Variants in GSG1L2 observed in about 807,000 individuals in gnomAD.
GSG1L2 encodes the protein germ cell-specific gene 1-like protein 2.
A neutral mutation model predicts 9.0 loss-of-function variants in GSG1L2; 15 were observed. The observed-to-expected ratio is 1.67, with a 90% CI of 1.12 to 2.57. GSG1L2 has a LOEUF of 2.57. Ranked by LOEUF, GSG1L2 falls within the 30% of genes most tolerant of loss-of-function variation. The pLI is 0.00. For synonymous variants in GSG1L2, 127 were observed against 57.9 expected (o/e 2.19, Z -5.41); for missense variants, 286 against 150.3 (o/e 1.90, Z -4.72).
At chr17:9,809,194 A>T in intron 2 of GSG1L2, 1 of 548,150 alleles carries the variant, frequency 1.8e-6, no homozygotes, top group Non-Finnish European at 3.3e-6. Context: ...CCCGTAGCTG[A>T]ACGGGCGGTG....
At chr17:9,812,780 C>T (rs2066544256) in intron 1 of GSG1L2, among the ~76,000 whole-genome samples, 2 of 152,126 alleles carry the variant, frequency 1.3e-5, no homozygotes, top group Non-Finnish European at 2.9e-5. Flanking sequence ...GCCACCACAC[C>T]TGGCTAACTT....
chr17:9,803,395 G>A (rs1292373506), intron 4 of GSG1L2, among the ~76,000 whole-genome samples: 4 of 152,134 alleles, frequency 2.6e-5, no homozygotes, highest in Admixed American at 6.5e-5. Flanking sequence ...GAGCCACCGC[G>A]CCCGACCAGC....
chr17:9,807,276 C>G (rs900832640), intron 4 of GSG1L2, among the ~76,000 whole-genome samples: 7 of 152,224 alleles, frequency 4.6e-5, no homozygotes, highest in Non-Finnish European at 8.8e-5. Flanking sequence ...TAAACATAAT[C>G]TCTTTAAATC....
In GSG1L2 at chr17:9,801,865, A is replaced by G. The variant is rs2066498046; in HGVS notation, c.*521T>C. ...ATTTCCAAGAAAAAATATTTTAAAA[A>G]ATAACAGGAAACATATTTTGAAATT... On this transcript the variant is annotated 3_prime_UTR_variant, in exon 5 of 5. Coordinates refer to ENST00000399363, the MANE Select transcript of GSG1L2 (RefSeq NM_001310219.2). 6.6e-6 allele frequency among the ~76,000 whole-genome samples: 1 copy of G among 152,244 alleles called. No homozygotes were observed. Among genetic ancestry groups the G allele is most frequent in the Non-Finnish European group, 1.5e-5 (1 of 68,044 alleles).
In GSG1L2 at chr17:9,800,745, GAC is replaced by G. The variant is rs2066493560; in HGVS notation, c.*1639_*1640del. 6.6e-6 allele frequency among the ~76,000 whole-genome samples: 1 copy of G among 152,162 alleles called. No homozygotes were observed. ...AGATGAGACTTTGACCTGATATCGT[GAC>G]AGTCACACAGGACCTGCCTACATGA... On this transcript the variant is annotated 3_prime_UTR_variant, in exon 5 of 5. Transcript: ENST00000399363.
chr17:9,809,663 C>G, intron 2 of GSG1L2: 1 of 152,584 alleles, frequency 6.6e-6, no homozygotes, highest in Non-Finnish European at 1.5e-5. Context: ...CTGATTGGTG[C>G]GCTTTACAGA....
chr17:9,816,414 G>C (rs1450309991), intron 1 of GSG1L2, among the ~76,000 whole-genome samples: 4 of 139,536 alleles, frequency 2.9e-5, no homozygotes, highest in South Asian at 2.4e-4. Flanking sequence ...GTGTGTGTGT[G>C]TCTGTGTGTG....
chr17:9,806,184 T>C (rs1391973894), intron 4 of GSG1L2, among the ~76,000 whole-genome samples: 3 of 152,228 alleles, frequency 2.0e-5, no homozygotes, highest in Non-Finnish European at 4.4e-5. Context: ...GCCAATCACC[T>C]TTCCTCTTGC....
chr17:9,802,460 G>A lies in GSG1L2; in HGVS notation c.808C>T (p.Pro270Ser). 1 of 702,456 alleles carries A rather than the reference G, an allele frequency of 1.4e-6. No individual in the cohort carries two copies. Among genetic ancestry groups the A allele is most frequent in the Non-Finnish European group, 2.6e-6 (1 of 384,662 alleles). The allele number at this position is 702,456 out of a possible 1,614,324, so 43.5% of individuals were successfully genotyped here. A position where few individuals can be genotyped will look rare whatever the true frequency, so the allele number is the denominator to read the frequency against. The change falls in exon 5 of 5, where the codon CCT (proline) becomes TCT (serine). Residue 270 changes from proline to serine, a missense_variant. Pro to Ser is a moderately conservative substitution (Grantham distance 74). Transcript: ENST00000399363. Reference sequence around the variant, plus strand: ...ACATTCCTGAAGGCTTGTTCAGCAGGGCAAGGAGCAGCTCCTGTTTTCCAA... The same window carrying A: ...ACATTCCTGAAGGCTTGTTCAGCAGAGCAAGGAGCAGCTCCTGTTTTCCAA... ...SIWKTGAAPC[P>S]AEQAFRNVSG...
chr17:9,809,197 G>A (rs552647318), intron 2 of GSG1L2: 8 of 547,742 alleles, frequency 1.5e-5, no homozygotes, highest in East Asian at 1.3e-4. Flanking sequence ...GTAGCTGAAC[G>A]GGCGGTGGGG....
intron 3 of GSG1L2, 125 bp downstream of exon 3, chr17:9,808,705 C>T (rs2066525579): frequency 1.7e-6 from 1 of 605,240 alleles, no homozygotes; most frequent in Non-Finnish European, 3.0e-6. Context: ...CAGGGGACCA[C>T]CCGCCCTGCT....
At chr17:9,818,820 G>A (rs886602603) in intron 1 of GSG1L2, among the ~76,000 whole-genome samples, 2 of 152,166 alleles carry the variant, frequency 1.3e-5, no homozygotes, top group Non-Finnish European at 2.9e-5. Context: ...TATCACCCCC[G>A]TTTCCATTTC....
chr17:9,805,267 C>T (rs940364582), intron 4 of GSG1L2, among the ~76,000 whole-genome samples: 28 of 151,912 alleles, frequency 1.8e-4, no homozygotes, highest in South Asian at 6.2e-4. Context: ...AGGCTCCCCC[C>T]TCCCCCACCC....
chr17:9,819,856 G>A (rs1597369508), intron 1 of GSG1L2, among the ~76,000 whole-genome samples: 1 of 151,822 alleles, frequency 6.6e-6, no homozygotes, highest in African/African-American at 2.4e-5. Context: ...CAGGTGATCT[G>A]CCCGCCTCAG....
intron 1 of GSG1L2, among the ~76,000 whole-genome samples, chr17:9,821,242 C>T (rs1029805218): frequency 6.6e-6 from 1 of 152,118 alleles, no homozygotes; most frequent in Non-Finnish European, 1.5e-5. Context: ...AGTCAAATTC[C>T]TCCCTCCTCA....
chr17:9,802,760 T>C (rs1383129738), intron 4 of GSG1L2, 116 bp from the exon 5 acceptor site: 21 of 621,254 alleles, frequency 3.4e-5, no homozygotes, highest in Non-Finnish European at 5.8e-5. Flanking sequence ...TCTACTCAGT[T>C]TGGACCTGCA....
At chr17:9,816,992 G>A (rs545923045) in intron 1 of GSG1L2, among the ~76,000 whole-genome samples, 1 of 151,596 alleles carries the variant, frequency 6.6e-6, no homozygotes, top group African/African-American at 2.4e-5. Flanking sequence ...TCCTCTAGAG[G>A]AAGGAACCTG....
intron 1 of GSG1L2, among the ~76,000 whole-genome samples, chr17:9,814,133 A>G (rs1471052453): frequency 6.6e-6 from 1 of 152,124 alleles, no homozygotes; most frequent in Non-Finnish European, 1.5e-5. Context: ...ACAGGGTTTC[A>G]CCATGTTGGC....
intron 4 of GSG1L2, chr17:9,804,188 A>C (rs2066508669): frequency 6.6e-6 from 1 of 152,244 alleles, no homozygotes; most frequent in African/African-American, 2.4e-5. Context: ...CGACACAGAA[A>C]GTGTCTGCAA....
Sources: gnomAD v4.1 joint callset for allele counts (sites outside exome capture counted in the v4.1 genomes callset) on GRCh38, gnomAD v4.1.1 for gene constraint, MANE v1.5 for transcripts, NCBI Gene and HGNC (gene_info 2026-07-23, HGNC 2026-07-21) for gene names.